Variants in PCDHA6 observed in about 807,000 individuals in gnomAD.
PCDHA6 encodes protocadherin alpha-6.
PCDHA6 carries 55 observed loss-of-function variants against 60.3 expected under a neutral mutation model. The observed-to-expected ratio is 0.91, with a 90% confidence interval of 0.73 to 1.14. The LOEUF (loss-of-function observed/expected upper bound fraction) is 1.14. PCDHA6 is among the 50% of genes most tolerant of loss of function. The pLI is 0.00. For missense variants in PCDHA6, 1,327 were observed against 1,256.5 expected, an observed-to-expected ratio of 1.06 and a Z score of -0.85; for synonymous variants, 652 against 557.9, an observed-to-expected ratio of 1.17 and a Z score of -2.38.
intron 1 of PCDHA6, chr5:140,863,441 C>T (rs1430733740): frequency 1.0e-5 from 6 of 601,724 alleles, no homozygotes; most frequent in Non-Finnish European, 1.9e-5. Context: ...TCTGGTCTTA[C>T]TCGCAGCAAA....
chr5:140,831,878 G>T (rs2150197940), intron 1 of PCDHA6, among the ~76,000 whole-genome samples: 2 of 152,198 alleles, frequency 1.3e-5, no homozygotes, highest in African/African-American at 4.8e-5. Flanking sequence ...ATTGTAAGGC[G>T]CTTATAACTG....
At chr5:140,836,168 T>G in intron 1 of PCDHA6, 2 of 1,613,802 alleles carry the variant, frequency 1.2e-6, no homozygotes, top group African/African-American at 1.3e-5. Flanking sequence ...CGAAGGTACG[T>G]GCAGTTGACG....
chr5:140,882,261 AGTGTACCATGCT>A (rs1554173264), intron 1 of PCDHA6: 1 of 1,604,356 alleles, frequency 6.2e-7, no homozygotes, highest in Non-Finnish European at 8.5e-7. Flanking sequence ...AGGTTTTTGG[AGTGTACCATGCT>A]GTCTTCCTGG....
chr5:140,905,047 C>A (rs2071568223), intron 1 of PCDHA6, among the ~76,000 whole-genome samples: 1 of 152,076 alleles, frequency 6.6e-6, no homozygotes, highest in Non-Finnish European at 1.5e-5. Context: ...TTAATTAGGT[C>A]CCATTTATTT....
chr5:141,008,072 T>G (rs1419103459), intron 3 of PCDHA6, among the ~76,000 whole-genome samples: 3 of 152,154 alleles, frequency 2.0e-5, no homozygotes, highest in African/African-American at 7.2e-5. Context: ...TAAGAACTTA[T>G]TGGGGTTATT....
intron 1 of PCDHA6, among the ~76,000 whole-genome samples, chr5:140,931,212 T>A (rs556351535): frequency 3.5e-4 from 54 of 152,168 alleles, no homozygotes; most frequent in Non-Finnish European, 3.5e-4. Context: ...GTATTTCAGG[T>A]ATCAGAGCAC....
Position 140,849,905 on chromosome 5 carries a change from G to A in PCDHA6, c.2394+19420G>A, listed in dbSNP as rs2150456926. On this transcript the variant is annotated intron_variant, in intron 1 of 3. Coordinates refer to ENST00000529310, the MANE Select transcript of PCDHA6 (RefSeq NM_018909.4). The stretch of plus-strand genomic sequence containing the variant: ...TGTTCGTGAAGGAGAACAACCCGCC[G>A]GGCTGCCACATCTTCACGGTGTCTG... The A allele has an allele frequency of 3.4e-5, 55 of 1,598,312 alleles. 1 individual carries two copies. The highest frequency in any genetic ancestry group is 3.5e-4 in the Middle Eastern group (2 of 5,794).
intron 1 of PCDHA6, among the ~76,000 whole-genome samples, chr5:140,910,502 G>C (rs182167004): frequency 2.6e-4 from 39 of 152,266 alleles, no homozygotes. Flanking sequence ...CAATCACAAA[G>C]CTCTTCAAGG....
chr5:140,851,353 G>A, intron 1 of PCDHA6: 1 of 976,274 alleles, frequency 1.0e-6, no homozygotes, highest in Non-Finnish European at 1.2e-6. Context: ...TCTGGATGGA[G>A]ACTGTGAACA....
At chr5:140,946,797 CAG>C (rs1279078142) in intron 1 of PCDHA6, among the ~76,000 whole-genome samples, 2 of 151,052 alleles carry the variant, frequency 1.3e-5, no homozygotes, top group Non-Finnish European at 3.0e-5. Context: ...CTTATAGAAG[CAG>C]AGAGTATAAC....
intron 1 of PCDHA6, chr5:140,884,661 A>C: frequency 6.3e-7 from 1 of 1,590,384 alleles, no homozygotes; most frequent in African/African-American, 1.3e-5. Context: ...TGCTTGAAAG[A>C]GGTAAGCTTA....
At chr5:140,922,865 G>A (rs1554201014) in intron 1 of PCDHA6, among the ~76,000 whole-genome samples, 1 of 152,062 alleles carries the variant, frequency 6.6e-6, no homozygotes, top group Non-Finnish European at 1.5e-5. Flanking sequence ...ATAGACAAGG[G>A]GAAAAAATCC....
chr5:140,906,718 G>C (rs1554192673), intron 1 of PCDHA6, among the ~76,000 whole-genome samples: 1 of 152,140 alleles, frequency 6.6e-6, no homozygotes, highest in Admixed American at 6.5e-5. Flanking sequence ...TGCCTGGATT[G>C]TGCTGTTGTA....
chr5:140,870,209 C>T (rs1174096449), intron 1 of PCDHA6: 3 of 1,614,176 alleles, frequency 1.9e-6, no homozygotes, highest in East Asian at 4.5e-5. Context: ...ACGGTCATTG[C>T]CCTGATCAGC....
Position 140,829,198 on chromosome 5 carries a change from C to A in PCDHA6, c.1107C>A (p.Ile369=), listed in dbSNP as rs2150163699. Residue 369 remains isoleucine (I), a synonymous_variant, in exon 1 of 4, where the codon ATC becomes ATA. Transcript: ENST00000529310. ...VREDAQFGTV[I]ALISVNDLDS... ...AAGACGCTCAATTTGGTACTGTCATCGCCCTAATTAGCGTGAACGACCTCG... is the reference window on the plus strand; with the variant it reads ...AAGACGCTCAATTTGGTACTGTCATAGCCCTAATTAGCGTGAACGACCTCG... The A allele has an allele frequency of 1.6e-5, 26 of 1,614,214 alleles. No individual in the cohort carries two copies. In the Admixed American group the frequency reaches 2.2e-4, roughly 13 times the overall value.
At chr5:140,900,425 G>T (rs577250354) in intron 1 of PCDHA6, among the ~76,000 whole-genome samples, 1 of 152,236 alleles carries the variant, frequency 6.6e-6, no homozygotes, top group African/African-American at 2.4e-5. Context: ...TTATAGGCAC[G>T]TGCCACCACG....
intron 1 of PCDHA6, among the ~76,000 whole-genome samples, chr5:140,915,369 G>GTC (rs2077091836): frequency 6.6e-6 from 1 of 152,160 alleles, no homozygotes; most frequent in Admixed American, 6.5e-5. Context: ...ACCAGTAAGT[G>GTC]TCTCGGCATT....
chr5:140,930,798 G>T (rs1339622831), intron 1 of PCDHA6, among the ~76,000 whole-genome samples: 1 of 152,094 alleles, frequency 6.6e-6, no homozygotes, highest in Non-Finnish European at 1.5e-5. Flanking sequence ...ATAGAATCCA[G>T]CATATAAGAT....
chr5:140,966,958 G>T (rs561982676), intron 1 of PCDHA6: 4 of 1,602,380 alleles, frequency 2.5e-6, no homozygotes, highest in African/African-American at 2.7e-5. Context: ...TGGCTCGCGC[G>T]CTGGGGCTTG....
Sources: allele counts gnomAD v4.1 joint callset (sites outside exome capture counted in the v4.1 genomes callset), GRCh38; gene constraint gnomAD v4.1.1; transcripts MANE v1.5; gene names NCBI Gene and HGNC (gene_info 2026-07-23, HGNC 2026-07-21).